Variants in HELZ observed in about 807,000 individuals in gnomAD.
The protein encoded by HELZ is helicase with zinc finger, also known as ATP-dependent RNA helicase with zinc finger domain.
In HELZ, 23 loss-of-function variants were observed where a neutral mutation model predicts 218.2. That is an observed-to-expected ratio of 0.11 (90% CI 0.08 to 0.15). The LOEUF (loss-of-function observed/expected upper bound fraction) is 0.15. Ranked by LOEUF, HELZ falls within the 10% of genes least tolerant of loss-of-function variation. The pLI is 1.00. For missense variants in HELZ, 1,813 were observed against 2,353.7 expected, an observed-to-expected ratio of 0.77 and a Z score of 4.75; for synonymous variants, 814 against 829.4, an observed-to-expected ratio of 0.98 and a Z score of 0.32.
At chr17:67,136,569 G>A (rs1285100810) in intron 22 of HELZ, among the ~76,000 whole-genome samples, 1 of 152,174 alleles carries the variant, frequency 6.6e-6, no homozygotes, top group African/African-American at 2.4e-5. Flanking sequence ...ACAGAGGAAT[G>A]GATCAACAGA....
intron 31 of HELZ, among the ~76,000 whole-genome samples, chr17:67,099,824 T>C (rs780283826): frequency 6.6e-6 from 1 of 151,504 alleles, no homozygotes; most frequent in Non-Finnish European, 1.5e-5. Flanking sequence ...AAGAGCTAAA[T>C]ACACTAGTTG....
In HELZ at chr17:67,190,388, T is replaced by C. The variant is rs750104823; in HGVS notation, c.558-33A>G. 4 of 1,518,188 alleles carry C rather than the reference T, an allele frequency of 2.6e-6. No individual in the cohort carries two copies. The South Asian group carries it at 3.4e-5, about 13-fold the overall frequency. The allele number at this position is 1,518,188 out of a possible 1,614,324, so 94.0% of individuals were successfully genotyped here. ...GAATAGGAAAGACTGTTTTATCATA[T>C]ACTTTGTTGAACCATTTAAAAATAA... On this transcript the variant is annotated intron_variant, in intron 9 of 32. Coordinates refer to ENST00000358691, the MANE Select transcript of HELZ (RefSeq NM_014877.4).
In HELZ at chr17:67,071,509, T is replaced by C. The variant is rs1023351766; in HGVS notation, c.*6743A>G. On this transcript the variant is annotated 3_prime_UTR_variant, in exon 33 of 33. Transcript: ENST00000358691. ...GTGTCTTAAGAAAACTCCAAAGCTGTATATTCTACGATGGTCTTCACGTGT... is the reference window on the plus strand; with the variant it reads ...GTGTCTTAAGAAAACTCCAAAGCTGCATATTCTACGATGGTCTTCACGTGT... The C allele has an allele frequency of 6.6e-6, 1 of 152,220 alleles. No individual in the cohort carries two copies. The highest frequency in any genetic ancestry group is 2.1e-4 in the South Asian group (1 of 4,836). The allele number at this position is 152,220 out of a possible 1,614,324, so 9.4% of individuals were successfully genotyped here.
chr17:67,188,196 G>A lies in HELZ; in HGVS notation c.1162+123C>T. The A allele has an allele frequency of 1.1e-6, 1 of 892,614 alleles. No homozygotes were observed. The highest frequency in any genetic ancestry group is 1.7e-6 in the Non-Finnish European group (1 of 582,438). The allele number at this position is 892,614 out of a possible 1,614,324, so 55.3% of individuals were successfully genotyped here. A position where few individuals can be genotyped will look rare whatever the true frequency, so the allele number is the denominator to read the frequency against. On this transcript the variant is annotated intron_variant, in intron 12 of 32. Transcript: ENST00000358691. The surrounding 1 kb of genome is among the most constrained non-coding windows in gnomAD (Gnocchi z 4.1). ...ATTACACAGTAAATGAGTCAATTAAGTTGGGATTTTTTTCTTTATTACTAT... is the reference window on the plus strand; with the variant it reads ...ATTACACAGTAAATGAGTCAATTAAATTGGGATTTTTTTCTTTATTACTAT...
At chr17:67,173,826 C>T (rs1781429334) in intron 13 of HELZ, among the ~76,000 whole-genome samples, 1 of 151,782 alleles carries the variant, frequency 6.6e-6, no homozygotes, top group Admixed American at 6.6e-5. Context: ...CTGTCACCAA[C>T]AGAAGCAGCA....
At chr17:67,170,672 C>T (rs976080730) in intron 13 of HELZ, among the ~76,000 whole-genome samples, 1 of 151,896 alleles carries the variant, frequency 6.6e-6, no homozygotes, top group Admixed American at 6.6e-5. Flanking sequence ...ACTAAAAACA[C>T]AAAAATTACC....
chr17:67,179,321 C>T (rs898012746), intron 12 of HELZ, among the ~76,000 whole-genome samples: 3 of 152,098 alleles, frequency 2.0e-5, no homozygotes, highest in African/African-American at 7.2e-5. Context: ...CTACCAATAC[C>T]CATCCCATTA....
rs1401044389 is a variant in HELZ, at chr17:67,078,469, G to A, written c.5612C>T (p.Pro1871Leu). 2 of 1,586,606 alleles carry A rather than the reference G, an allele frequency of 1.3e-6. No homozygotes were observed. The highest frequency in any genetic ancestry group is 1.7e-6 in the Non-Finnish European group (2 of 1,169,260). ...QHLGQFPPLMPNKQIAESANS... is the reference protein window; with the variant it reads ...QHLGQFPPLMLNKQIAESANS... ...GGCCGACTCCGCGATCTGCTTGTTAGGCATAAGGGGTGGAAACTGGCCAAG... is the reference window on the plus strand; with the variant it reads ...GGCCGACTCCGCGATCTGCTTGTTAAGCATAAGGGGTGGAAACTGGCCAAG... Residue 1871 changes from proline (P) to leucine (L), a missense_variant, in exon 33 of 33, where the codon CCT becomes CTT. Around this residue, in one of 4 missense-constraint regions of HELZ, gnomAD observed 938 missense variants for 1,027.5 expected, o/e 0.91. Transcript: ENST00000358691.
At chr17:67,082,875 G>A (rs1048523256) in intron 32 of HELZ, among the ~76,000 whole-genome samples, 1 of 46,248 alleles carries the variant, frequency 2.2e-5, no homozygotes, top group Non-Finnish European at 4.6e-5. Flanking sequence ...TTTTTTTTTT[G>A]AGATGGAGTC....
intron 32 of HELZ, among the ~76,000 whole-genome samples, chr17:67,081,405 A>G (rs2036185055): frequency 6.6e-6 from 1 of 152,200 alleles, no homozygotes. Flanking sequence ...TAAAAGGTTA[A>G]TATTAGACAA....
chr17:67,181,627 C>T (rs1196409980), intron 12 of HELZ, among the ~76,000 whole-genome samples: 2 of 151,710 alleles, frequency 1.3e-5, no homozygotes, highest in Admixed American at 6.6e-5. Flanking sequence ...TCCAACAATG[C>T]TAAATTTTAT....
At chr17:67,222,397 CA>C (rs2040770556) in intron 3 of HELZ, among the ~76,000 whole-genome samples, 1 of 152,120 alleles carries the variant, frequency 6.6e-6, no homozygotes, top group South Asian at 2.1e-4. Context: ...CAATGATTCC[CA>C]AACATATTAG....
rs1245600868 is a variant in HELZ, at chr17:67,073,106, T to G, written c.*5146A>C. 1 of 152,272 alleles carries G rather than the reference T, an allele frequency of 6.6e-6. No homozygotes were observed. Among genetic ancestry groups the G allele is most frequent in the East Asian group, 1.9e-4 (1 of 5,200 alleles). The allele number at this position is 152,272 out of a possible 1,614,324, so 9.4% of individuals were successfully genotyped here. ...AGATCTGTAAATAGTACTATGTGAC[T>G]TCTACTCTGTGTTGCAACCTATGTA... On this transcript the variant is annotated 3_prime_UTR_variant, in exon 33 of 33. Transcript: ENST00000358691.
chr17:67,174,775 C>T (rs144849689), intron 13 of HELZ, among the ~76,000 whole-genome samples: 2,846 of 152,014 alleles, frequency 0.019, 94 homozygotes, highest in African/African-American at 0.065. Context: ...CCAGCCTGGG[C>T]AACAAGAACG....
chr17:67,102,891 C>A (rs2036973739), intron 31 of HELZ, among the ~76,000 whole-genome samples: 1 of 152,080 alleles, frequency 6.6e-6, no homozygotes, highest in Non-Finnish European at 1.5e-5. Context: ...TATTCACACA[C>A]AAACAAAGAT....
At chr17:67,225,606 C>T (rs2040868438) in intron 3 of HELZ, 1 of 152,286 alleles carries the variant, frequency 6.6e-6, no homozygotes, top group South Asian at 2.1e-4. Context: ...AACACACACA[C>T]ACCCCTAAGC....
rs984749662 is a variant in HELZ, at chr17:67,073,369, G to A, written c.*4883C>T. Reference sequence around the variant, plus strand: ...TGAAAATTTCATAATATTGTTTAATGAACTCATAGAATTATATAAAACTTA... The same window carrying A: ...TGAAAATTTCATAATATTGTTTAATAAACTCATAGAATTATATAAAACTTA... On this transcript the variant is annotated 3_prime_UTR_variant, in exon 33 of 33. Coordinates refer to ENST00000358691, the MANE Select transcript of HELZ (RefSeq NM_014877.4). 3 of 152,476 alleles carry A rather than the reference G, an allele frequency of 2.0e-5. No homozygotes were observed. The highest frequency in any genetic ancestry group is 4.4e-5 in the Non-Finnish European group (3 of 68,012). 9.4% of individuals were successfully genotyped at this position (152,476 alleles called of 1,614,324 possible). A position where few individuals can be genotyped will look rare whatever the true frequency, so the allele number is the denominator to read the frequency against.
At chr17:67,168,131 A>C (rs1306513174) in intron 13 of HELZ, among the ~76,000 whole-genome samples, 1 of 152,042 alleles carries the variant, frequency 6.6e-6, no homozygotes, top group Non-Finnish European at 1.5e-5. Flanking sequence ...ACAGATGCCC[A>C]CCACGCCCGG....
intron 1 of HELZ, 154 bp downstream of exon 1, chr17:67,244,994 G>A: frequency 2.0e-6 from 2 of 985,592 alleles, no homozygotes; most frequent in Non-Finnish European, 2.4e-6. Flanking sequence ...GCGCTTCCCA[G>A]GCCCAGCCGC....
Sources: allele counts gnomAD v4.1 joint callset (sites outside exome capture counted in the v4.1 genomes callset), GRCh38; gene constraint gnomAD v4.1.1; regional missense constraint gnomAD v4.1.1; non-coding constraint Gnocchi (gnomAD v3.1); transcripts MANE v1.5; gene names NCBI Gene and HGNC (gene_info 2026-07-23, HGNC 2026-07-21).